PDE1A: variants seen among roughly 807,000 people sequenced by gnomAD.
PDE1A encodes the protein phosphodiesterase 1A.
Under a neutral mutation model 61.7 loss-of-function variants are expected in PDE1A, and 35 were observed. The ratio of observed to expected loss-of-function variants is 0.57; its 90% CI spans 0.43 to 0.75. The LOEUF is 0.75. PDE1A is among the 30% of genes least tolerant of loss of function. The pLI is 0.00. For missense variants in PDE1A, 597 were observed against 630.6 expected (o/e 0.95, Z 0.57); for synonymous variants, 232 against 213.2 (o/e 1.09, Z -0.77).
At chr2:182,610,087 CA>C in the PDE1A span, among the ~76,000 whole-genome samples, 266 of 127,210 alleles carry the variant, frequency 2.1e-3, no homozygotes, top group Middle Eastern at 4.5e-3. Context: ...GACTCTATCT[CA>C]AAAAAAAAAA....
intron 1 of PDE1A, among the ~76,000 whole-genome samples, chr2:182,355,037 G>C (rs906686347): frequency 1.3e-5 from 2 of 151,996 alleles, no homozygotes; most frequent in Non-Finnish European, 2.9e-5. Flanking sequence ...TTCACTTAAT[G>C]GAGTATTTAT....
At chr2:182,373,899 T>C (rs573477580) in intron 1 of PDE1A, among the ~76,000 whole-genome samples, 3 of 152,282 alleles carry the variant, frequency 2.0e-5, no homozygotes, top group South Asian at 2.1e-4. Context: ...GATGACTTCA[T>C]TGAGTTGCCA....
At chr2:182,158,575 G>C (rs1266712062) in intron 13 of PDE1A, among the ~76,000 whole-genome samples, 1 of 152,204 alleles carries the variant, frequency 6.6e-6, no homozygotes. Flanking sequence ...CATGTCCAGA[G>C]TGATGAGTTA....
chr2:182,662,709 A>G, the PDE1A span, among the ~76,000 whole-genome samples: 3 of 152,186 alleles, frequency 2.0e-5, no homozygotes, highest in Non-Finnish European at 4.4e-5. Flanking sequence ...AAAGGCCTAA[A>G]TGTAAAACTC....
chr2:182,610,625 CTTTT>C, the PDE1A span, among the ~76,000 whole-genome samples: 3 of 151,816 alleles, frequency 2.0e-5, no homozygotes, highest in Non-Finnish European at 4.4e-5. Context: ...AGTTGAAAAT[CTTTT>C]ATTTAAATCA....
chr2:182,415,555 T>C (rs149020295), intron 1 of PDE1A, among the ~76,000 whole-genome samples: 3,422 of 152,294 alleles, frequency 0.022, 58 homozygotes, highest in South Asian at 0.047. Flanking sequence ...GAAAATGTTA[T>C]TTATATTATG....
At chr2:182,493,691 A>C (rs1688538445) in intron 2 of PDE1A, among the ~76,000 whole-genome samples, 1 of 152,220 alleles carries the variant, frequency 6.6e-6, no homozygotes, top group Non-Finnish European at 1.5e-5. Flanking sequence ...TCTGTCAATT[A>C]TAGATTGGAT....
chr2:182,219,157 A>G (rs1688507287), intron 7 of PDE1A, among the ~76,000 whole-genome samples: 1 of 152,108 alleles, frequency 6.6e-6, no homozygotes. Flanking sequence ...TAAAATTAAG[A>G]TAGAAAAGTC....
At chr2:182,530,442 T>A in the PDE1A span, among the ~76,000 whole-genome samples, 25 of 152,172 alleles carry the variant, frequency 1.6e-4, no homozygotes, top group Non-Finnish European at 1.0e-4. Context: ...GGATCTCAAA[T>A]AGGGTAAACC....
chr2:182,415,349 T>C (rs745566172), intron 1 of PDE1A, among the ~76,000 whole-genome samples: 18 of 152,132 alleles, frequency 1.2e-4, no homozygotes, highest in Non-Finnish European at 2.6e-4. Flanking sequence ...TCAAACACAT[T>C]AAAATAAAAC....
At chr2:182,663,716 A>G in the PDE1A span, among the ~76,000 whole-genome samples, 1 of 152,098 alleles carries the variant, frequency 6.6e-6, no homozygotes, top group Non-Finnish European at 1.5e-5. Context: ...AAAAATAACT[A>G]ATGAGTACCA....
intron 13 of PDE1A, among the ~76,000 whole-genome samples, chr2:182,151,216 T>G (rs1367568384): frequency 2.0e-5 from 3 of 152,342 alleles, no homozygotes; most frequent in African/African-American, 2.4e-5. Flanking sequence ...GCCTCTCAAG[T>G]AGCTGGGACT....
the PDE1A span, among the ~76,000 whole-genome samples, chr2:182,664,221 G>A: frequency 2.6e-5 from 4 of 152,136 alleles, no homozygotes; most frequent in Admixed American, 2.0e-4. Flanking sequence ...AACAATTTGA[G>A]AACATCTGAT....
chr2:182,502,929 G>A (rs1204747848), intron 2 of PDE1A, among the ~76,000 whole-genome samples: 6 of 152,158 alleles, frequency 3.9e-5, no homozygotes, highest in Admixed American at 3.3e-4. Context: ...AATTTGGAAA[G>A]TTGTGAATTT....
At chr2:182,342,935 C>A (rs1003604758) in intron 1 of PDE1A, among the ~76,000 whole-genome samples, 3 of 152,166 alleles carry the variant, frequency 2.0e-5, no homozygotes, top group African/African-American at 4.8e-5. Flanking sequence ...GACTCCTATG[C>A]AGGATAAGGT....
chr2:182,431,603 T>C (rs962887500), upstream of PDE1A, among the ~76,000 whole-genome samples: 1 of 152,146 alleles, frequency 6.6e-6, no homozygotes, highest in East Asian at 1.9e-4. Context: ...AGGTAAGTCA[T>C]TCACAACTCT....
chr2:182,373,848 ATGT>A (rs1700250286), intron 1 of PDE1A, among the ~76,000 whole-genome samples: 1 of 152,196 alleles, frequency 6.6e-6, no homozygotes, highest in African/African-American at 2.4e-5. Context: ...ACAAGAGGAA[ATGT>A]TATTAATATC....
chr2:182,647,919 G>GA, the PDE1A span, among the ~76,000 whole-genome samples: 6 of 150,698 alleles, frequency 4.0e-5, no homozygotes, highest in Non-Finnish European at 5.9e-5. Flanking sequence ...ATTTACTGAG[G>GA]AAAAAAAAAG....
chr2:182,627,287 A>G, the PDE1A span, among the ~76,000 whole-genome samples: 1 of 99,816 alleles, frequency 1.0e-5, no homozygotes, highest in Non-Finnish European at 1.8e-5. Flanking sequence ...TATAAAATAT[A>G]AATATATATT....
Sources: allele counts gnomAD v4.1 joint callset (sites outside exome capture counted in the v4.1 genomes callset), GRCh38; gene constraint gnomAD v4.1.1; transcripts MANE v1.5; gene names NCBI Gene and HGNC (gene_info 2026-07-23, HGNC 2026-07-21).